PARP16: variants seen among roughly 807,000 people sequenced by gnomAD.
The protein encoded by PARP16 is poly(ADP-ribose) polymerase family member 16, also known as protein mono-ADP-ribosyltransferase PARP16.
In PARP16, 31 loss-of-function variants were observed where a neutral mutation model predicts 35.0. The observed-to-expected ratio is 0.88, with a 90% CI of 0.66 to 1.19. The LOEUF is 1.19. PARP16 is among the 50% of genes most tolerant of loss of function. The pLI, the probability that PARP16 is intolerant of heterozygous loss-of-function variation, is 0.00. For missense variants in PARP16, 424 were observed against 411.2 expected (o/e 1.03, Z -0.27); for synonymous variants, 162 against 169.5 (o/e 0.96, Z 0.34).
intron 2 of PARP16, among the ~76,000 whole-genome samples, chr15:65,267,732 G>T (rs1161094887): frequency 9.9e-5 from 11 of 110,664 alleles, no homozygotes; most frequent in Non-Finnish European, 1.9e-4. Context: ...TGTCGCCCAG[G>T]CTGGAGTGCA....
Position 65,258,666 on chromosome 15 carries a change from T to G in PARP16, c.*741A>C, listed in dbSNP as rs948150451. ...TTGTTAAACAGCTATTAAAAAAAAA[T>G]CAGAAAACAAACATTTGGTTCCATT... On this transcript the variant is annotated 3_prime_UTR_variant, in exon 6 of 6. Coordinates refer to ENST00000649807, the MANE Select transcript of PARP16 (RefSeq NM_001316943.2). 2 of 152,568 alleles carry G rather than the reference T, an allele frequency of 1.3e-5. No homozygotes were observed. The highest frequency in any genetic ancestry group is 2.9e-5 in the Non-Finnish European group (2 of 68,012). 9.5% of individuals were successfully genotyped at this position (152,568 alleles called of 1,614,324 possible).
intron 1 of PARP16, among the ~76,000 whole-genome samples, chr15:65,271,924 G>T (rs116587853): frequency 0.01 from 1,556 of 152,332 alleles, 27 homozygotes; most frequent in African/African-American, 0.036. Flanking sequence ...CACGGCATCT[G>T]GCCTGGGAGG....
chr15:65,238,699 A>G (rs1020437903), intron 3 of PARP16, among the ~76,000 whole-genome samples: 1 of 152,174 alleles, frequency 6.6e-6, no homozygotes, highest in Non-Finnish European at 1.5e-5. Flanking sequence ...GTGATTTTTT[A>G]AGAAACAAAT....
At chr15:65,238,202 T>A (rs1368549089) in intron 3 of PARP16, among the ~76,000 whole-genome samples, 1 of 152,142 alleles carries the variant, frequency 6.6e-6, no homozygotes. Flanking sequence ...GAGAATTGCT[T>A]GAACCCGGGA....
chr15:65,285,140 GTTT>G (rs759145300), intron 1 of PARP16, among the ~76,000 whole-genome samples: 2 of 135,240 alleles, frequency 1.5e-5, no homozygotes, highest in Admixed American at 7.5e-5. Flanking sequence ...CACCCTCCAG[GTTT>G]TTTTTTTTTT....
chr15:65,262,472 T>C (rs995007770), intron 4 of PARP16, among the ~76,000 whole-genome samples: 21 of 152,222 alleles, frequency 1.4e-4, no homozygotes, highest in Non-Finnish European at 1.5e-5. Context: ...GACAGTTCTA[T>C]GACTGCTCTG....
chr15:65,231,272 G>C (rs949710713), downstream of PARP16, among the ~76,000 whole-genome samples: 1 of 152,114 alleles, frequency 6.6e-6, no homozygotes, highest in Non-Finnish European at 1.5e-5. Flanking sequence ...CTGAGGCATT[G>C]AGTCCATTTA....
chr15:65,273,523 C>T (rs2090155954), intron 1 of PARP16, among the ~76,000 whole-genome samples: 2 of 151,916 alleles, frequency 1.3e-5, no homozygotes, highest in Admixed American at 1.3e-4. Flanking sequence ...AAATTAAAAA[C>T]ATCTTAGGGC....
intron 3 of PARP16, among the ~76,000 whole-genome samples, chr15:65,266,285 C>T (rs1297869943): frequency 6.6e-6 from 1 of 152,172 alleles, no homozygotes. Flanking sequence ...TAAATCGACG[C>T]TTTTCAAACT....
intron 3 of PARP16, among the ~76,000 whole-genome samples, chr15:65,237,805 C>T (rs2088927754): frequency 6.6e-6 from 1 of 152,192 alleles, no homozygotes; most frequent in African/African-American, 2.4e-5. Context: ...TAATTTGTTA[C>T]AGCAGCCACA....
downstream of PARP16, among the ~76,000 whole-genome samples, chr15:65,254,453 GAAAC>G (rs2089446758): frequency 6.6e-6 from 1 of 152,126 alleles, no homozygotes; most frequent in Non-Finnish European, 1.5e-5. Flanking sequence ...AGACAGTTTG[GAAAC>G]AAACAGAAAC....
At chr15:65,239,084 T>C (rs2088965641) in intron 3 of PARP16, among the ~76,000 whole-genome samples, 1 of 151,872 alleles carries the variant, frequency 6.6e-6, no homozygotes, top group African/African-American at 2.4e-5. Flanking sequence ...TGAACTGTGA[T>C]TGCACTACTG....
chr15:65,260,922 T>C lies in PARP16; in HGVS notation c.796A>G (p.Lys266Glu), dbSNP rs1307563742. The change falls in exon 5 of 6, where the codon AAG becomes GAG. Residue 266 changes from lysine (K) to glutamate (E), a missense_variant. Physicochemically the swap from Lys to Glu is moderately conservative, Grantham distance 56. Coordinates refer to ENST00000649807, the MANE Select transcript of PARP16 (RefSeq NM_001316943.2). ...TTCTGTGAATACACCAGGAGGTACT[T>C]CACTCGCAGCAGCTGGTTATTGGTG... ...VVTNNQLLRV[K>E]YLLVYSQKPP... The C allele has an allele frequency of 6.2e-7, 1 of 1,613,952 alleles. No homozygotes were observed. Among genetic ancestry groups the C allele is most frequent in the Non-Finnish European group, 8.5e-7 (1 of 1,179,976 alleles).
chr15:65,267,483 T>A (rs1270164409), intron 2 of PARP16, among the ~76,000 whole-genome samples: 3 of 150,668 alleles, frequency 2.0e-5, no homozygotes, highest in African/African-American at 7.3e-5. Flanking sequence ...GGTGGGCGCC[T>A]GTAGTCCCAG....
rs528033197 is a variant in PARP16 at position 65,264,506 on chromosome 15, A to T, written c.520-1186T>A. Reference sequence around the variant, plus strand: ...GTAGCACCAGGCTTCCAAAATCCTAAATCTGTTAAGTGAAGCTTAGGGGAA... The same window carrying T: ...GTAGCACCAGGCTTCCAAAATCCTATATCTGTTAAGTGAAGCTTAGGGGAA... On this transcript the variant is annotated intron_variant, in intron 3 of 5. Transcript: ENST00000649807. 1.2e-4 allele frequency among the ~76,000 whole-genome samples: 19 copies of T among 152,254 alleles called. No individual in the cohort carries two copies. In the South Asian group the frequency reaches 3.3e-3, roughly 27 times the overall value.
downstream of PARP16, among the ~76,000 whole-genome samples, chr15:65,233,998 G>A (rs2088818356): frequency 6.6e-6 from 1 of 152,102 alleles, no homozygotes; most frequent in Admixed American, 6.6e-5. Context: ...AAATATCTTA[G>A]TATCTTAACG....
downstream of PARP16, among the ~76,000 whole-genome samples, chr15:65,257,089 C>G (rs549209985): frequency 1.5e-3 from 224 of 152,292 alleles, 1 homozygote; most frequent in Middle Eastern, 6.8e-3. Flanking sequence ...TTGAGACCAG[C>G]CTGGCCAACA....
downstream of PARP16, chr15:65,234,396 C>T (rs1309647437): frequency 6.6e-6 from 1 of 152,198 alleles, no homozygotes; most frequent in East Asian, 1.9e-4. Flanking sequence ...ATCTCCAAGA[C>T]CTCTTGGGGG....
Position 65,263,148 on chromosome 15 carries a change from C to T in PARP16, c.691+1G>A. 1 of 1,613,376 alleles carries T rather than the reference C, an allele frequency of 6.2e-7. No homozygotes were observed. The highest frequency in any genetic ancestry group is 8.5e-7 in the Non-Finnish European group (1 of 1,179,616). On this transcript the variant is annotated splice_donor_variant, in intron 4 of 5. Transcript: ENST00000649807. LOFTEE classifies it high-confidence loss of function. ...CAGGTCTGGACCAAGTGCTCACTCA[C>T]CCTTCTTCTTGGTTTGGCACTTGAC...
Sources: gnomAD v4.1 joint callset for allele counts (sites outside exome capture counted in the v4.1 genomes callset) on GRCh38, gnomAD v4.1.1 for gene constraint, MANE v1.5 for transcripts, NCBI Gene and HGNC (gene_info 2026-07-23, HGNC 2026-07-21) for gene names.